Variants in MARK1 observed in about 807,000 individuals in gnomAD.
The protein encoded by MARK1 is microtubule affinity regulating kinase 1.
A neutral mutation model predicts 96.3 loss-of-function variants in MARK1; 40 were observed. The ratio of observed to expected loss-of-function variants is 0.42; its 90% CI spans 0.32 to 0.54. The LOEUF is 0.54. Ranked by LOEUF, MARK1 falls within the 20% of genes least tolerant of loss-of-function variation. The pLI is 0.16. For missense variants in MARK1, 719 were observed against 984.6 expected, an observed-to-expected ratio of 0.73 and a Z score of 3.61; for synonymous variants, 317 against 341.2, an observed-to-expected ratio of 0.93 and a Z score of 0.78.
chr1:220,538,295 T>A (rs1031590162), intron 1 of MARK1, among the ~76,000 whole-genome samples: 2 of 152,138 alleles, frequency 1.3e-5, no homozygotes, highest in African/African-American at 4.8e-5. Context: ...TTTCTACATA[T>A]GGCTAGCCAG....
At position 220,608,340 on chromosome 1, in the gene MARK1, A is replaced by C. The variant is rs192745413; in HGVS notation, c.495+4203A>C. 3.3e-5 allele frequency among the ~76,000 whole-genome samples: 5 copies of C among 152,266 alleles called. No homozygotes were observed. The East Asian group carries it at 9.6e-4, about 29-fold the overall frequency. The stretch of plus-strand genomic sequence containing the variant: ...CTTCTAGATTTTCTGGTTTATTTGC[A>C]TAGAGGTGTTTATAGTATTCTCTGA... On this transcript the variant is annotated intron_variant, in intron 6 of 17. Coordinates refer to ENST00000366917, the MANE Select transcript of MARK1 (RefSeq NM_018650.5).
At chr1:220,613,284 T>C (rs907808200) in intron 6 of MARK1, among the ~76,000 whole-genome samples, 3 of 152,190 alleles carry the variant, frequency 2.0e-5, no homozygotes, top group African/African-American at 7.2e-5. Flanking sequence ...GGTAATACTA[T>C]AATAAACTAC....
Position 220,662,153 on chromosome 1 carries a change from A to G in MARK1, c.2375A>G (p.Glu792Gly). ...FKNIASKIAN[E>G]LKL is the part of the protein sequence containing the mutation. ...AACATTGCATCAAAAATAGCAAATG[A>G]GCTTAAGCTGTAAAGAAGTCCAAAT... The change falls in exon 18 of 18, where the codon GAG becomes GGG. Residue 792 changes from glutamate to glycine, a missense_variant. This residue lies in a region of MARK1 where 17 missense variants were observed against 49.7 expected (regional missense o/e 0.34). Transcript: ENST00000366917. 1 of 1,609,562 alleles carries G rather than the reference A, an allele frequency of 6.2e-7. No homozygotes were observed. Among genetic ancestry groups the G allele is most frequent in the Non-Finnish European group, 8.5e-7 (1 of 1,178,194 alleles).
chr1:220,565,526 C>T (rs1210035110), intron 1 of MARK1, among the ~76,000 whole-genome samples: 3 of 151,756 alleles, frequency 2.0e-5, no homozygotes, highest in Non-Finnish European at 4.4e-5. Flanking sequence ...GGGCTGGCTA[C>T]ATGGCAAGCC....
intron 6 of MARK1, among the ~76,000 whole-genome samples, chr1:220,605,856 A>T (rs925267622): frequency 2.0e-5 from 3 of 152,012 alleles, no homozygotes; most frequent in African/African-American, 7.3e-5. Flanking sequence ...ATCCTTTTTT[A>T]TGGCTGCGTA....
At chr1:220,652,803 TG>T (rs1668954682) in intron 15 of MARK1, among the ~76,000 whole-genome samples, 1 of 152,186 alleles carries the variant, frequency 6.6e-6, no homozygotes, top group African/African-American at 2.4e-5. Flanking sequence ...CATTGCTAAG[TG>T]GTTTCAGGAG....
chr1:220,528,486 G>A lies in MARK1; in HGVS notation c.-337G>A, dbSNP rs1043561199. On this transcript the variant is annotated 5_prime_UTR_variant, in exon 1 of 18. It removes the in-frame stop codon of an upstream open reading frame in the 5' UTR. Transcript: ENST00000366917. The stretch of plus-strand genomic sequence containing the variant: ...CTTCACCCATGGTCCGGAGAGCCTA[G>A]CGGGGCTCGCCACCGCCTCCCGGCT... The A allele has an allele frequency of 2.7e-6, 1 of 367,706 alleles. No individual in the cohort carries two copies. The allele number at this position is 367,706 out of a possible 1,614,324, so 22.8% of individuals were successfully genotyped here.
chr1:220,562,025 C>T (rs149868011), intron 1 of MARK1, among the ~76,000 whole-genome samples: 20 of 152,306 alleles, frequency 1.3e-4, no homozygotes, highest in South Asian at 4.1e-4. Context: ...TATGTGTATG[C>T]ATTTGCATAT....
chr1:220,624,297 CAA>C (rs61237689), intron 9 of MARK1, among the ~76,000 whole-genome samples: 102,973 of 114,934 alleles, frequency 0.9, 46,055 homozygotes, highest in East Asian at 0.98. Flanking sequence ...GATTCCATCT[CAA>C]AAAAAAAAAA....
At chr1:220,568,554 G>A (rs1663220333) in intron 1 of MARK1, among the ~76,000 whole-genome samples, 1 of 152,090 alleles carries the variant, frequency 6.6e-6, no homozygotes, top group Admixed American at 6.6e-5. Context: ...TGATTTTACT[G>A]TGAATAAAAT....
intron 6 of MARK1, among the ~76,000 whole-genome samples, chr1:220,607,244 T>G (rs865989584): frequency 1.1e-4 from 17 of 152,302 alleles, no homozygotes; most frequent in Middle Eastern, 3.4e-3. Context: ...TCACGTCCCT[T>G]GTAAGTTGGA....
chr1:220,658,824 G>A (rs1669316195), intron 17 of MARK1, among the ~76,000 whole-genome samples: 2 of 152,172 alleles, frequency 1.3e-5, no homozygotes, highest in African/African-American at 2.4e-5. Flanking sequence ...TAGTTGAAAT[G>A]TTTCTTTGTA....
At chr1:220,621,268 T>C (rs1262235686) in intron 9 of MARK1, among the ~76,000 whole-genome samples, 1 of 152,124 alleles carries the variant, frequency 6.6e-6, no homozygotes, top group East Asian at 1.9e-4. Flanking sequence ...ACATCTGAGT[T>C]GTTTCCATTG....
At chr1:220,534,370 A>G (rs754102439) in intron 1 of MARK1, among the ~76,000 whole-genome samples, 1 of 152,128 alleles carries the variant, frequency 6.6e-6, no homozygotes, top group Non-Finnish European at 1.5e-5. Flanking sequence ...TCAGTGATCT[A>G]TTGAACACGA....
In MARK1 at chr1:220,586,011, A is replaced by ACGCGCG. The variant is rs1553322975; in HGVS notation, c.309+4896_309+4901dup. Among the ~76,000 whole-genome samples, 160 of 148,634 alleles carry ACGCGCG rather than the reference A, an allele frequency of 1.1e-3. 2 individuals carry two copies. Among genetic ancestry groups the ACGCGCG allele is most frequent in the East Asian group, 3.8e-3 (19 of 5,064 alleles). On this transcript the variant is annotated intron_variant, in intron 3 of 17. Coordinates refer to ENST00000366917, the MANE Select transcript of MARK1 (RefSeq NM_018650.5). The stretch of plus-strand genomic sequence containing the variant: ...CACACACACACACACACACACACAC[A>ACGCGCG]CGCGCGCGTGCGCAGAGAGAGAGAG...
chr1:220,599,704 A>G (rs1665611827), intron 4 of MARK1, 94 bp from the exon 5 acceptor site: 4 of 598,938 alleles, frequency 6.7e-6, no homozygotes, highest in Admixed American at 5.9e-5. Context: ...CAAGTAGTCA[A>G]ATTTTCTACT....
chr1:220,531,541 A>G (rs367922238), intron 1 of MARK1, among the ~76,000 whole-genome samples: 25 of 152,196 alleles, frequency 1.6e-4, no homozygotes, highest in East Asian at 7.7e-4. Context: ...GGGAATATAT[A>G]ATATCTACCC....
chr1:220,586,566 CTGA>C (rs1383614885), intron 3 of MARK1, among the ~76,000 whole-genome samples: 1 of 151,976 alleles, frequency 6.6e-6, no homozygotes, highest in Non-Finnish European at 1.5e-5. Context: ...CTTTTTGTTT[CTGA>C]TGTTTTTGTT....
chr1:220,574,015 T>C (rs1225924032), intron 1 of MARK1, among the ~76,000 whole-genome samples: 3 of 152,224 alleles, frequency 2.0e-5, no homozygotes, highest in Non-Finnish European at 2.9e-5. Context: ...TTTAAAGTTC[T>C]TGCCTGCTGA....
Sources: allele counts gnomAD v4.1 joint callset (sites outside exome capture counted in the v4.1 genomes callset), GRCh38; gene constraint gnomAD v4.1.1; regional missense constraint gnomAD v4.1.1; transcripts MANE v1.5; gene names NCBI Gene and HGNC (gene_info 2026-07-23, HGNC 2026-07-21).